The following DLG2 variants were observed in gnomAD, a reference collection of about 807,000 sequenced individuals.
DLG2 encodes the protein disks large homolog 2.
DLG2 carries 45 observed loss-of-function variants against 132.5 expected under a neutral mutation model. The ratio of observed to expected loss-of-function variants is 0.34; its 90% CI spans 0.27 to 0.44. The LOEUF is 0.44. Ranked by LOEUF, DLG2 falls within the 20% of genes least tolerant of loss-of-function variation. The pLI is 1.00. For missense variants in DLG2, 1,045 were observed against 1,196.9 expected (o/e 0.87, Z 1.87); for synonymous variants, 424 against 419.6 (o/e 1.01, Z -0.13).
chr11:85,602,850 CT>C (rs1368507832), intron 2 of DLG2, among the ~76,000 whole-genome samples: 2 of 152,196 alleles, frequency 1.3e-5, no homozygotes, highest in African/African-American at 4.8e-5. Context: ...CTATAACACT[CT>C]TCTCTCAGGT....
At chr11:84,390,747 A>C (rs1478923053) in intron 7 of DLG2, among the ~76,000 whole-genome samples, 1 of 152,174 alleles carries the variant, frequency 6.6e-6, no homozygotes, top group Non-Finnish European at 1.5e-5. Context: ...ATTTGTGCAC[A>C]TATGAAGTAG....
intron 3 of DLG2, among the ~76,000 whole-genome samples, chr11:85,539,971 G>A (rs2075855290): frequency 6.6e-6 from 1 of 152,200 alleles, no homozygotes; most frequent in African/African-American, 2.4e-5. Context: ...AAAAACATCT[G>A]CTGTCTTATC....
At chr11:84,218,486 A>G (rs2096870163) in intron 8 of DLG2, among the ~76,000 whole-genome samples, 1 of 152,168 alleles carries the variant, frequency 6.6e-6, no homozygotes, top group South Asian at 2.1e-4. Flanking sequence ...TTGTATCTAC[A>G]TATTACTGGG....
At chr11:84,742,533 A>T (rs80212527) in intron 6 of DLG2, among the ~76,000 whole-genome samples, 8,922 of 152,250 alleles carry the variant, frequency 0.059, 337 homozygotes, top group Non-Finnish European at 0.087. Context: ...AAATTGAGAG[A>T]AAGGTACAGA....
At chr11:83,745,688 G>A (rs1489332352) in intron 18 of DLG2, among the ~76,000 whole-genome samples, 1 of 151,990 alleles carries the variant, frequency 6.6e-6, no homozygotes, top group African/African-American at 2.4e-5. Flanking sequence ...TGTAGTCCCA[G>A]CTACTCAGGA....
At chr11:85,241,071 CT>C (rs1236150363) in intron 4 of DLG2, among the ~76,000 whole-genome samples, 13 of 151,442 alleles carry the variant, frequency 8.6e-5, no homozygotes, top group African/African-American at 3.1e-4. Flanking sequence ...ATTATTAATG[CT>C]TTTTAATAAA....
chr11:85,112,209 A>T (rs2072883065), intron 5 of DLG2, among the ~76,000 whole-genome samples: 1 of 152,108 alleles, frequency 6.6e-6, no homozygotes, highest in Non-Finnish European at 1.5e-5. Flanking sequence ...TTGGGTTGAA[A>T]GGGATAGATC....
chr11:84,067,468 G>A (rs1344066024), intron 10 of DLG2, among the ~76,000 whole-genome samples: 1 of 152,022 alleles, frequency 6.6e-6, no homozygotes, highest in Admixed American at 6.6e-5. Context: ...AGTCATTAAA[G>A]GTAGGTTATG....
chr11:85,006,625 T>C (rs2058683301), intron 6 of DLG2, among the ~76,000 whole-genome samples: 1 of 152,160 alleles, frequency 6.6e-6, no homozygotes, highest in African/African-American at 2.4e-5. Context: ...TTTTCTTCTT[T>C]ATTAGTCTGG....
intron 6 of DLG2, among the ~76,000 whole-genome samples, chr11:84,950,796 A>G (rs1005894780): frequency 1.3e-5 from 2 of 152,100 alleles, no homozygotes; most frequent in African/African-American, 4.8e-5. Flanking sequence ...GTGAGTATAT[A>G]TGTACACATA....
chr11:84,593,044 A>T (rs1048279692), intron 6 of DLG2, among the ~76,000 whole-genome samples: 2 of 146,604 alleles, frequency 1.4e-5, no homozygotes, highest in African/African-American at 5.0e-5. Flanking sequence ...ACTTGAACCC[A>T]GGAGATGGAG....
intron 11 of DLG2, among the ~76,000 whole-genome samples, chr11:84,017,391 A>C (rs1291046750): frequency 6.6e-6 from 1 of 152,046 alleles, no homozygotes; most frequent in African/African-American, 2.4e-5. Flanking sequence ...CACAATTGGA[A>C]AGGAATTCTT....
At chr11:84,128,727 GGGGGCAATATACAC>G (rs2094289381) in intron 9 of DLG2, among the ~76,000 whole-genome samples, 3 of 151,986 alleles carry the variant, frequency 2.0e-5, no homozygotes, top group Admixed American at 6.6e-5. Flanking sequence ...CAGGCATTTA[GGGGGCAATATACAC>G]TTCATTGATA....
At chr11:85,158,621 C>T (rs1185504534) in intron 4 of DLG2, among the ~76,000 whole-genome samples, 1 of 152,138 alleles carries the variant, frequency 6.6e-6, no homozygotes, top group Non-Finnish European at 1.5e-5. Flanking sequence ...GAACTGCAGT[C>T]ACTCAACTAA....
intron 6 of DLG2, among the ~76,000 whole-genome samples, chr11:84,906,841 G>A (rs2091573191): frequency 6.6e-6 from 1 of 152,240 alleles, no homozygotes; most frequent in South Asian, 2.1e-4. Flanking sequence ...CCAAGGCATG[G>A]AAAGCTAAAA....
chr11:84,225,661 A>G (rs1013970013), intron 8 of DLG2, among the ~76,000 whole-genome samples: 2 of 152,188 alleles, frequency 1.3e-5, no homozygotes, highest in African/African-American at 4.8e-5. Flanking sequence ...CTTTTCCCCA[A>G]TGTATGTTCT....
At chr11:85,035,911 C>A (rs887615458) in intron 6 of DLG2, among the ~76,000 whole-genome samples, 12 of 152,176 alleles carry the variant, frequency 7.9e-5, no homozygotes, top group Admixed American at 2.6e-4. Flanking sequence ...AATATGTGTG[C>A]AGTTAACTAT....
chr11:85,249,784 G>A (rs2076309846), intron 4 of DLG2, among the ~76,000 whole-genome samples: 1 of 152,128 alleles, frequency 6.6e-6, no homozygotes, highest in Admixed American at 6.6e-5. Context: ...AGGAATCAGA[G>A]CAAGGAACTA....
At chr11:83,965,263 T>C (rs1852168040) in intron 13 of DLG2, 61 bp downstream of exon 13, 1 of 1,527,084 alleles carries the variant, frequency 6.5e-7, no homozygotes, top group Non-Finnish European at 8.9e-7. Flanking sequence ...TTGTCAACAG[T>C]TTTATAGAAT....
Sources: allele counts gnomAD v4.1 joint callset (sites outside exome capture counted in the v4.1 genomes callset), GRCh38; gene constraint gnomAD v4.1.1; transcripts MANE v1.5; gene names NCBI Gene and HGNC (gene_info 2026-07-23, HGNC 2026-07-21).